The following LDAH variants were observed in gnomAD, a reference collection of about 807,000 sequenced individuals.
The protein encoded by LDAH is lipid droplet associated hydrolase, also known as lipid droplet-associated hydrolase.
A neutral mutation model predicts 29.6 loss-of-function variants in LDAH; 26 were observed. The observed-to-expected ratio is 0.88, with a 90% CI of 0.64 to 1.22. LDAH has a LOEUF of 1.22. Among genes scored for constraint, LDAH ranks in the 50% most tolerant of loss-of-function variants. LDAH has a pLI of 0.00. For missense variants in LDAH, 344 were observed against 387.3 expected (o/e 0.89, Z 0.94); for synonymous variants, 117 against 133.0 (o/e 0.88, Z 0.83).
chr2:20,729,771 G>A (rs1666267072), intron 5 of LDAH, among the ~76,000 whole-genome samples: 1 of 152,194 alleles, frequency 6.6e-6, no homozygotes, highest in Non-Finnish European at 1.5e-5. Flanking sequence ...CAAAACCACA[G>A]TATAATGTTA....
At chr2:20,750,561 C>T (rs538715785) in intron 4 of LDAH, among the ~76,000 whole-genome samples, 11 of 152,310 alleles carry the variant, frequency 7.2e-5, no homozygotes, top group Admixed American at 2.0e-4. Context: ...GACAGTTGTT[C>T]AGTAAGTACA....
At chr2:20,822,385 C>T (rs1413581871) in intron 1 of LDAH, among the ~76,000 whole-genome samples, 1 of 152,138 alleles carries the variant, frequency 6.6e-6, no homozygotes. Flanking sequence ...CCTCCTGATC[C>T]GCCCGCCTCG....
At chr2:20,770,276 A>C (rs1476505545) in intron 4 of LDAH, among the ~76,000 whole-genome samples, 3 of 152,196 alleles carry the variant, frequency 2.0e-5, no homozygotes, top group African/African-American at 7.2e-5. Flanking sequence ...TGCTAACCAG[A>C]AGACAAAGGA....
At chr2:20,697,852 C>T (rs1232800032) in intron 6 of LDAH, among the ~76,000 whole-genome samples, 1 of 152,126 alleles carries the variant, frequency 6.6e-6, no homozygotes, top group African/African-American at 2.4e-5. Flanking sequence ...ATACAGGCAA[C>T]AAGCTACAAT....
intron 5 of LDAH, among the ~76,000 whole-genome samples, chr2:20,723,828 G>A (rs953286838): frequency 1.3e-5 from 2 of 152,172 alleles, no homozygotes; most frequent in Admixed American, 1.3e-4. Context: ...TGAAGGAAAT[G>A]TCTAGTAGCA....
chr2:20,810,644 G>A (rs1408662965), intron 1 of LDAH, among the ~76,000 whole-genome samples: 1 of 152,174 alleles, frequency 6.6e-6, no homozygotes, highest in Non-Finnish European at 1.5e-5. Flanking sequence ...CTTTTTCAAA[G>A]CACACCGATA....
chr2:20,728,663 T>G (rs1366151830), intron 5 of LDAH, among the ~76,000 whole-genome samples: 1 of 152,048 alleles, frequency 6.6e-6, no homozygotes, highest in Non-Finnish European at 1.5e-5. Context: ...GGGGTGGCAC[T>G]GGGGATCTAG....
At chr2:20,749,894 C>T (rs369760126) in intron 4 of LDAH, among the ~76,000 whole-genome samples, 3 of 152,232 alleles carry the variant, frequency 2.0e-5, no homozygotes, top group African/African-American at 7.2e-5. Context: ...AAGGGGGTTT[C>T]CTCCTCCCAT....
chr2:20,704,383 T>C (rs1378590378), intron 5 of LDAH, among the ~76,000 whole-genome samples: 2 of 152,256 alleles, frequency 1.3e-5, no homozygotes, highest in Non-Finnish European at 2.9e-5. Flanking sequence ...TTTGTTTTAC[T>C]ATATTTCAGG....
intron 2 of LDAH, among the ~76,000 whole-genome samples, chr2:20,796,654 C>G (rs910221667): frequency 6.6e-6 from 1 of 152,170 alleles, no homozygotes; most frequent in Non-Finnish European, 1.5e-5. Context: ...ATCAGATATG[C>G]GTATCACAGT....
intron 1 of LDAH, among the ~76,000 whole-genome samples, chr2:20,801,727 C>G (rs187062499): frequency 6.6e-6 from 1 of 151,996 alleles, no homozygotes; most frequent in Non-Finnish European, 1.5e-5. Context: ...GAGTCAAAAC[C>G]GTAACTTCCA....
At position 20,729,259 on chromosome 2, in the gene LDAH, A is replaced by G. The variant is rs146680601; in HGVS notation, c.703+10712T>C. Among the ~76,000 whole-genome samples, 365 of 152,336 alleles carry G rather than the reference A, an allele frequency of 2.4e-3. 3 individuals carry two copies. Among genetic ancestry groups the G allele is most frequent in the African/African-American group, 8.3e-3 (346 of 41,572 alleles). ...GGAGCCTACTTCTCCTGAAGTGTAT[A>G]TAACTCTGATGCAGAAAAAGTGGAA... On this transcript the variant is annotated intron_variant, in intron 5 of 6. Coordinates refer to ENST00000237822, the MANE Select transcript of LDAH (RefSeq NM_021925.4).
chr2:20,769,962 A>G (rs773479947), intron 4 of LDAH, among the ~76,000 whole-genome samples: 2 of 152,242 alleles, frequency 1.3e-5, no homozygotes, highest in Non-Finnish European at 2.9e-5. Flanking sequence ...AAACTAAAAT[A>G]GACATACATG....
intron 3 of LDAH, among the ~76,000 whole-genome samples, chr2:20,782,364 A>G (rs912537063): frequency 1.3e-4 from 20 of 152,344 alleles, no homozygotes; most frequent in African/African-American, 4.3e-4. Context: ...TTCTGTCTAT[A>G]GTATGACTTA....
chr2:20,721,448 G>A (rs1665643166), intron 5 of LDAH, among the ~76,000 whole-genome samples: 1 of 152,014 alleles, frequency 6.6e-6, no homozygotes, highest in South Asian at 2.1e-4. Flanking sequence ...TATACTGCTT[G>A]GGTGATGGGT....
chr2:20,810,133 G>A (rs913438372), intron 1 of LDAH, among the ~76,000 whole-genome samples: 1 of 152,172 alleles, frequency 6.6e-6, no homozygotes, highest in African/African-American at 2.4e-5. Context: ...CAAAGTCTGG[G>A]GCCTTAGCTG....
intron 6 of LDAH, among the ~76,000 whole-genome samples, chr2:20,689,517 G>C (rs1164945146): frequency 6.6e-6 from 1 of 152,156 alleles, no homozygotes; most frequent in Non-Finnish European, 1.5e-5. Context: ...CTTTCCACTA[G>C]TAGAAAAACA....
intron 2 of LDAH, among the ~76,000 whole-genome samples, chr2:20,796,323 G>C (rs185544279): frequency 6.6e-6 from 1 of 152,126 alleles, no homozygotes; most frequent in African/African-American, 2.4e-5. Context: ...AAGAGTGAGG[G>C]AATAAATACT....
chr2:20,816,201 A>G (rs548538503), intron 1 of LDAH, among the ~76,000 whole-genome samples: 1 of 152,232 alleles, frequency 6.6e-6, no homozygotes, highest in Non-Finnish European at 1.5e-5. Flanking sequence ...GAAAGACCAG[A>G]AAAGAGGAAC....
Sources: gnomAD v4.1 joint callset for allele counts (sites outside exome capture counted in the v4.1 genomes callset) on GRCh38, gnomAD v4.1.1 for gene constraint, MANE v1.5 for transcripts, NCBI Gene and HGNC (gene_info 2026-07-23, HGNC 2026-07-21) for gene names.